The following HCK variants were observed in gnomAD, a reference collection of about 807,000 sequenced individuals.
HCK encodes HCK proto-oncogene, Src family tyrosine kinase.
Under a neutral mutation model 70.4 loss-of-function variants are expected in HCK, and 40 were observed. The observed-to-expected ratio is 0.57, with a 90% CI of 0.44 to 0.74. The LOEUF is 0.74. HCK is among the 30% of genes least tolerant of loss of function. The pLI, the probability that HCK is intolerant of heterozygous loss-of-function variation, is 0.00. For missense variants in HCK, 568 were observed against 697.2 expected (o/e 0.81, Z 2.09); for synonymous variants, 245 against 263.2 (o/e 0.93, Z 0.67).
At chr20:32,059,598 C>T (rs1184406300) in intron 1 of HCK, among the ~76,000 whole-genome samples, 1 of 151,800 alleles carries the variant, frequency 6.6e-6, no homozygotes, top group Non-Finnish European at 1.5e-5. Context: ...TCATGCAGCC[C>T]CAACCTCCTG....
Position 32,099,077 on chromosome 20 carries a change from C to G in HCK, c.1320C>G (p.Val440=). ...GCTCCTTCACCATCAAGTCAGACGTCTGGTCCTTTGGTATCCTGCTGATGG... is the reference window on the plus strand; with the variant it reads ...GCTCCTTCACCATCAAGTCAGACGTGTGGTCCTTTGGTATCCTGCTGATGG... Residue 440 remains valine, a synonymous_variant, in exon 12 of 13, where the codon GTC becomes GTG. Coordinates refer to ENST00000375852, the MANE Select transcript of HCK (RefSeq NM_002110.5). 1 of 1,614,236 alleles carries G rather than the reference C, an allele frequency of 6.2e-7. No individual in the cohort carries two copies. The highest frequency in any genetic ancestry group is 8.5e-7 in the Non-Finnish European group (1 of 1,180,040).
At chr20:32,082,724 G>T (rs922520868) in intron 6 of HCK, among the ~76,000 whole-genome samples, 1 of 152,070 alleles carries the variant, frequency 6.6e-6, no homozygotes, top group Non-Finnish European at 1.5e-5. Context: ...GAGACAGAGG[G>T]ACTAATAACT....
At chr20:32,079,959 C>A in intron 6 of HCK, 82 bp downstream of exon 6, 1 of 1,079,738 alleles carries the variant, frequency 9.3e-7, no homozygotes, top group Non-Finnish European at 1.4e-6. Flanking sequence ...TTGGAAAATG[C>A]CCTGGGAAAG....
chr20:32,069,799 C>T (rs1005396187), intron 1 of HCK: 2 of 1,246,042 alleles, frequency 1.6e-6, no homozygotes, highest in African/African-American at 1.6e-5. Flanking sequence ...TTAAAAGTAA[C>T]TCATCTAAGC....
At chr20:32,076,137 A>G (rs1297093497) in intron 5 of HCK, among the ~76,000 whole-genome samples, 1 of 152,148 alleles carries the variant, frequency 6.6e-6, no homozygotes, top group Non-Finnish European at 1.5e-5. Flanking sequence ...AGCCTGACCA[A>G]CAAGGTGTAA....
At chr20:32,055,429 A>G (rs1488055119) in intron 1 of HCK, among the ~76,000 whole-genome samples, 1 of 152,196 alleles carries the variant, frequency 6.6e-6, no homozygotes, top group Non-Finnish European at 1.5e-5. Flanking sequence ...ATCTTTATGT[A>G]GTCTTTTCTA....
At chr20:32,091,091 A>T (rs74502037) in intron 10 of HCK, among the ~76,000 whole-genome samples, 2 of 152,326 alleles carry the variant, frequency 1.3e-5, no homozygotes, top group Admixed American at 6.5e-5. Context: ...ACAGAGCTGC[A>T]GCGCTCAAGC....
chr20:32,088,034 T>A (rs747667542), intron 9 of HCK, among the ~76,000 whole-genome samples: 2 of 152,152 alleles, frequency 1.3e-5, no homozygotes, highest in Admixed American at 6.6e-5. Flanking sequence ...AGCTTTGGGA[T>A]TATAGGCATG....
intron 1 of HCK, among the ~76,000 whole-genome samples, chr20:32,070,521 G>C (rs539471777): frequency 7.6e-4 from 116 of 152,152 alleles, no homozygotes; most frequent in Non-Finnish European, 1.5e-3. Context: ...TTCCCTCAGA[G>C]TGTCCCCTCA....
chr20:32,060,019 G>A (rs2045343340), intron 1 of HCK, among the ~76,000 whole-genome samples: 1 of 152,070 alleles, frequency 6.6e-6, no homozygotes, highest in African/African-American at 2.4e-5. Context: ...CAGGTTTGGG[G>A]GCAGCTGATC....
At chr20:32,078,147 GC>G (rs1182122852) in intron 5 of HCK, among the ~76,000 whole-genome samples, 1 of 151,334 alleles carries the variant, frequency 6.6e-6, no homozygotes, top group African/African-American at 2.4e-5. Context: ...CCATTCTCCT[GC>G]CTCAGCCTCC....
intron 4 of HCK, 65 bp downstream of exon 4, chr20:32,073,883 G>C: frequency 1.0e-6 from 1 of 961,440 alleles, no homozygotes; most frequent in Non-Finnish European, 1.6e-6. Context: ...GTGCTCTTTT[G>C]TGCTTCCATA....
chr20:32,083,405 T>G (rs2045734665), intron 6 of HCK, among the ~76,000 whole-genome samples: 1 of 152,172 alleles, frequency 6.6e-6, no homozygotes, highest in Non-Finnish European at 1.5e-5. Context: ...GATTTCTGGG[T>G]TTTTTTCCAG....
intron 12 of HCK, 40 bp from the exon 13 acceptor site, chr20:32,101,277 C>T: frequency 6.3e-7 from 1 of 1,595,962 alleles, no homozygotes; most frequent in Non-Finnish European, 8.6e-7. Flanking sequence ...GCTCTCATTT[C>T]CCAACTGCTT....
intron 5 of HCK, among the ~76,000 whole-genome samples, chr20:32,078,201 AT>A (rs1196535364): frequency 0.072 from 9,668 of 134,522 alleles, 324 homozygotes; most frequent in Admixed American, 0.13. Flanking sequence ...TGCTCGGCTA[AT>A]TTTTTTTTTT....
intron 10 of HCK, 37 bp downstream of exon 10, chr20:32,088,681 G>A: frequency 6.4e-7 from 1 of 1,559,420 alleles, no homozygotes; most frequent in Non-Finnish European, 8.8e-7. Context: ...AGGGAAACAG[G>A]AATTCGATTT....
chr20:32,081,877 G>A (rs889058308), intron 6 of HCK, among the ~76,000 whole-genome samples: 1 of 152,242 alleles, frequency 6.6e-6, no homozygotes, highest in African/African-American at 2.4e-5. Context: ...GCAGGAAAAT[G>A]AGCCTGGTCC....
At chr20:32,100,146 G>A (rs1239541720) in intron 12 of HCK, among the ~76,000 whole-genome samples, 3 of 152,048 alleles carry the variant, frequency 2.0e-5, no homozygotes, top group African/African-American at 4.8e-5. Context: ...AGGCTCAAAC[G>A]ATCCTCCAGC....
rs2045598646 is a variant in HCK at position 32,074,821 on chromosome 20, A to T, written c.428+100A>T. ...CACACACTGTACCACTGCCTGGCAC[A>T]TACTCTTCCCAGGGCTCTGGGCTTG... On this transcript the variant is annotated intron_variant, in intron 5 of 12. Transcript: ENST00000375852. The T allele has an allele frequency of 3.8e-6, 3 of 786,700 alleles. No homozygotes were observed. In the South Asian group the frequency reaches 4.5e-5, roughly 12 times the overall value. 48.7% of individuals were successfully genotyped at this position (786,700 alleles called of 1,614,324 possible).
Sources: gnomAD v4.1 joint callset for allele counts (sites outside exome capture counted in the v4.1 genomes callset) on GRCh38, gnomAD v4.1.1 for gene constraint, MANE v1.5 for transcripts, NCBI Gene and HGNC (gene_info 2026-07-23, HGNC 2026-07-21) for gene names.